The following AP2A2 variants were observed in gnomAD, a reference collection of about 807,000 sequenced individuals.
AP2A2 encodes AP-2 complex subunit alpha-2.
In AP2A2, 32 loss-of-function variants were observed where a neutral mutation model predicts 104.2. The observed-to-expected ratio is 0.31, with a 90% CI of 0.23 to 0.41. AP2A2 has a LOEUF of 0.41. Among genes scored for constraint, AP2A2 ranks in the 10% least tolerant of loss-of-function variants. The pLI, the probability that AP2A2 is intolerant of heterozygous loss-of-function variation, is 1.00. For synonymous variants in AP2A2, 539 were observed against 533.3 expected (o/e 1.01, Z -0.15); for missense variants, 912 against 1,261.0 (o/e 0.72, Z 4.19).
At chr11:951,296 G>T (rs534614806) in intron 1 of AP2A2, among the ~76,000 whole-genome samples, 1 of 152,242 alleles carries the variant, frequency 6.6e-6, no homozygotes, top group African/African-American at 2.4e-5. Flanking sequence ...GGAGGCCGAG[G>T]TGGGTGGATC....
chr11:964,635 C>G (rs956686148), intron 2 of AP2A2, among the ~76,000 whole-genome samples: 20 of 152,326 alleles, frequency 1.3e-4, no homozygotes, highest in South Asian at 4.1e-4. Flanking sequence ...GTCAATGCCA[C>G]AGTCTCACTT....
At chr11:929,874 C>A (rs964969640) in intron 1 of AP2A2, among the ~76,000 whole-genome samples, 1 of 152,066 alleles carries the variant, frequency 6.6e-6, no homozygotes, top group African/African-American at 2.4e-5. Context: ...GTAATCCCAG[C>A]ACTTTGGGAG....
At chr11:994,028 G>A in intron 13 of AP2A2, 43 bp downstream of exon 13, 1 of 1,609,188 alleles carries the variant, frequency 6.2e-7, no homozygotes, top group East Asian at 2.2e-5. Context: ...CTGAGGGTTG[G>A]AGGCCAGGAG....
chr11:931,802 GT>G (rs138261185), intron 1 of AP2A2, among the ~76,000 whole-genome samples: 8,160 of 125,034 alleles, frequency 0.065, 140 homozygotes, highest in South Asian at 0.1. Flanking sequence ...TCCATTTCTT[GT>G]TTTTTTTTTT....
At chr11:958,818 C>T (rs1209613860) in intron 1 of AP2A2, among the ~76,000 whole-genome samples, 3 of 152,154 alleles carry the variant, frequency 2.0e-5, no homozygotes, top group South Asian at 4.2e-4. Context: ...CTTCAGCATG[C>T]GAATTTTGAG....
intron 10 of AP2A2, 130 bp downstream of exon 10, chr11:988,819 T>A: frequency 1.7e-6 from 2 of 1,200,650 alleles, no homozygotes; most frequent in South Asian, 2.8e-5. Flanking sequence ...AATACAAGGC[T>A]CCTCTGCCTC....
intron 21 of AP2A2, chr11:1,010,064 A>G: frequency 1.9e-6 from 1 of 529,676 alleles, no homozygotes; most frequent in African/African-American, 1.9e-5. Context: ...CACCCTGTCA[A>G]TACATGGTTG....
chr11:978,873 TCAGG>T (rs2133683924), intron 5 of AP2A2, among the ~76,000 whole-genome samples: 1 of 152,178 alleles, frequency 6.6e-6, no homozygotes, highest in East Asian at 1.9e-4. Context: ...AGGTCGGCGG[TCAGG>T]CCTGCGCCCG....
chr11:934,419 C>T (rs1313678881), intron 1 of AP2A2, among the ~76,000 whole-genome samples: 2 of 152,198 alleles, frequency 1.3e-5, no homozygotes, highest in African/African-American at 4.8e-5. Flanking sequence ...AGCCACTGCG[C>T]CCAGCCCTTT....
intron 9 of AP2A2, among the ~76,000 whole-genome samples, chr11:988,253 C>T (rs1364170447): frequency 6.6e-6 from 1 of 152,224 alleles, no homozygotes; most frequent in African/African-American, 2.4e-5. Flanking sequence ...GCGCTCAGTC[C>T]TAGCGAAGCT....
Position 925,885 on chromosome 11 carries a change from G to A in AP2A2, c.-137G>A. On this transcript the variant is annotated 5_prime_UTR_variant, in exon 1 of 22. Coordinates refer to ENST00000448903, the MANE Select transcript of AP2A2 (RefSeq NM_012305.4). ...GCGGCGGCCCAGAAAGCGGCGCTGG[G>A]ACCCTGAGGCGGCCGTGGTTAGGCG... 1 of 549,934 alleles carries A rather than the reference G, an allele frequency of 1.8e-6. No homozygotes were observed. The highest frequency in any genetic ancestry group is 2.7e-6 in the Non-Finnish European group (1 of 365,614). 34.1% of individuals were successfully genotyped at this position (549,934 alleles called of 1,614,324 possible).
At chr11:954,528 GTATC>G (rs1399073915) in intron 1 of AP2A2, among the ~76,000 whole-genome samples, 2 of 151,868 alleles carry the variant, frequency 1.3e-5, no homozygotes, top group Non-Finnish European at 2.9e-5. Flanking sequence ...GTATTTCTGT[GTATC>G]TGTGTATTTG....
intron 5 of AP2A2, among the ~76,000 whole-genome samples, chr11:979,122 G>A (rs573672818): frequency 5.9e-5 from 9 of 151,872 alleles, no homozygotes; most frequent in South Asian, 4.2e-4. Flanking sequence ...GCCACGTGTC[G>A]CGGGCCTGAG....
intron 1 of AP2A2, among the ~76,000 whole-genome samples, chr11:926,483 G>T (rs901481169): frequency 1.3e-5 from 2 of 152,036 alleles, no homozygotes; most frequent in African/African-American, 4.8e-5. Context: ...CGTGCGGGGG[G>T]CTGCGGCACC....
chr11:933,026 T>A, intron 1 of AP2A2, among the ~76,000 whole-genome samples: 1 of 152,198 alleles, frequency 6.6e-6, no homozygotes, highest in South Asian at 2.1e-4. Context: ...TCCCAGCACT[T>A]CGGGAGTCCG....
chr11:933,617 A>G (rs1287058178), intron 1 of AP2A2: 1 of 456,088 alleles, frequency 2.2e-6, no homozygotes, highest in Non-Finnish European at 4.4e-6. Flanking sequence ...AAGCAGCCCT[A>G]TTTTAAATAG....
intron 1 of AP2A2, 81 bp from the exon 2 acceptor site, chr11:959,356 C>G: frequency 1.0e-6 from 1 of 982,598 alleles, no homozygotes; most frequent in Non-Finnish European, 1.6e-6. Flanking sequence ...TTCGTGAGTT[C>G]TGAGTGTCAG....
intron 7 of AP2A2, 25 bp downstream of exon 7, chr11:984,778 A>T (rs1260284200): frequency 6.5e-7 from 1 of 1,531,214 alleles, no homozygotes; most frequent in Admixed American, 1.7e-5. Flanking sequence ...GCGGCTCCTG[A>T]AGCTGCACCA....
chr11:956,886 T>C (rs985839177), intron 1 of AP2A2: 3 of 152,204 alleles, frequency 2.0e-5, no homozygotes, highest in African/African-American at 7.2e-5. Flanking sequence ...CCCCAGAATA[T>C]GTGGGGGTTT....
Sources: gnomAD v4.1 joint callset for allele counts (sites outside exome capture counted in the v4.1 genomes callset) on GRCh38, gnomAD v4.1.1 for gene constraint, MANE v1.5 for transcripts, NCBI Gene and HGNC (gene_info 2026-07-23, HGNC 2026-07-21) for gene names.